Variants in ZNF266 observed in about 807,000 individuals in gnomAD.
The protein encoded by ZNF266 is zinc finger protein 266, also known as zinc finger protein 1.
A neutral mutation model predicts 16.4 loss-of-function variants in ZNF266; 16 were observed. That is an observed-to-expected ratio of 0.98 (90% CI 0.66 to 1.48). The LOEUF (loss-of-function observed/expected upper bound fraction) is 1.48, where lower values mean the gene tolerates loss of function less well. Ranked by LOEUF, ZNF266 falls within the 40% of genes most tolerant of loss-of-function variation. The pLI is 0.00. For missense variants in ZNF266, 738 were observed against 689.1 expected (o/e 1.07, Z -0.79); for synonymous variants, 262 against 237.9 (o/e 1.10, Z -0.93).
Position 9,413,476 on chromosome 19 carries a change from C to T in ZNF266, c.1650G>A (p.Met550Ile), listed in dbSNP as rs1198698520. The T allele has an allele frequency of 6.2e-7, 1 of 1,612,488 alleles. No individual in the cohort carries two copies. Among genetic ancestry groups the T allele is most frequent in the African/African-American group, 1.3e-5 (1 of 74,776 alleles). ...AGGGTTTTTCTCCAGTGTGGATCCG[C>T]ATGTGAAGGTTAACACACGTGGGAA... ...FKFPTCVNLH[M>I]RIHTGEKPYK... The change falls in exon 11 of 11, where the codon ATG (methionine) becomes ATA (isoleucine). Residue 550 changes from methionine (M) to isoleucine (I), a missense_variant. Transcript: ENST00000592904.
At chr19:9,424,700 A>T (rs2070468897) in intron 5 of ZNF266, among the ~76,000 whole-genome samples, 1 of 152,198 alleles carries the variant, frequency 6.6e-6, no homozygotes, top group African/African-American at 2.4e-5. Context: ...TATTTTATAT[A>T]CACATTATTA....
intron 9 of ZNF266, among the ~76,000 whole-genome samples, chr19:9,416,035 G>A (rs900860572): frequency 6.6e-6 from 1 of 151,584 alleles, no homozygotes; most frequent in Non-Finnish European, 1.5e-5. Flanking sequence ...TGTTGGCCAA[G>A]CTAGTCTCAA....
intron 9 of ZNF266, among the ~76,000 whole-genome samples, chr19:9,416,267 T>C (rs2068962176): frequency 6.6e-6 from 1 of 151,730 alleles, no homozygotes; most frequent in African/African-American, 2.4e-5. Context: ...ATGAAAATTA[T>C]AAACTGATGG....
At chr19:9,425,352 G>A (rs1255838407) in intron 5 of ZNF266, among the ~76,000 whole-genome samples, 1 of 152,130 alleles carries the variant, frequency 6.6e-6, no homozygotes, top group Non-Finnish European at 1.5e-5. Flanking sequence ...GTAGGAGGAT[G>A]CTTCTGACAT....
In ZNF266 at chr19:9,414,331, G is replaced by GA. The variant is rs762414314; in HGVS notation, c.794_795insT (p.Leu266ProfsTer17). On this transcript the variant is annotated frameshift_variant, in exon 11 of 11. Coordinates refer to ENST00000592904, the MANE Select transcript of ZNF266 (RefSeq NM_001370374.1). LOFTEE classifies it low-confidence loss of function (END_TRUNC). ...TGTGAGTTTGTATACGCACAGCAAG[G>GA]TCTGTGGAGTGAATAAAGCCTCTCC... is the stretch of plus-strand genomic sequence containing the variant. The GA allele has an allele frequency of 6.2e-7, 1 of 1,614,018 alleles. No individual in the cohort carries two copies. The highest frequency in any genetic ancestry group is 8.5e-7 in the Non-Finnish European group (1 of 1,179,968).
chr19:9,413,714 C>A lies in ZNF266; in HGVS notation c.1412G>T (p.Gly471Val). Residue 471 changes from glycine (G) to valine (V), a missense_variant, in exon 11 of 11, where the codon GGA becomes GTA. Gly to Val is a moderately radical substitution (Grantham distance 109). Coordinates refer to ENST00000592904, the MANE Select transcript of ZNF266 (RefSeq NM_001370374.1). The stretch of plus-strand genomic sequence containing the variant: ...TTTGACACATTCAAAAGGCTTCTCT[C>A]CAGTGTGAGTTCTTGTATGTTCACT... ...RLSEHTRTHT[G>V]EKPFECVKCG... 3 of 1,614,194 alleles carry A rather than the reference C, an allele frequency of 1.9e-6. No individual in the cohort carries two copies. Among genetic ancestry groups the A allele is most frequent in the Non-Finnish European group, 2.5e-6 (3 of 1,180,044 alleles).
chr19:9,419,910 A>G, intron 6 of ZNF266, 155 bp downstream of exon 6: 1 of 153,066 alleles, frequency 6.5e-6, no homozygotes, highest in Non-Finnish European at 1.5e-5. Context: ...CAAAAAAAAA[A>G]AAAAAAAAAG....
At position 9,414,613 on chromosome 19, in the gene ZNF266, G is replaced by A; in HGVS notation, c.513C>T (p.Asn171=). The A allele has an allele frequency of 6.2e-7, 1 of 1,611,668 alleles. No individual in the cohort carries two copies. Among genetic ancestry groups the A allele is most frequent in the Non-Finnish European group, 8.5e-7 (1 of 1,177,896 alleles). Residue 171 remains asparagine (N), a synonymous_variant, in exon 11 of 11, where the codon AAC becomes AAT. Coordinates refer to ENST00000592904, the MANE Select transcript of ZNF266 (RefSeq NM_001370374.1). The stretch of plus-strand genomic sequence containing the variant: ...CTCCATACAGATAACACTCAAATGT[G>A]TTCTCACTATTTTGAGTTCTCACAT... ...KTHVRTQNSE[N]TFECYLYGVD...
At position 9,435,542 on chromosome 19, in the gene ZNF266, G is replaced by C. The variant is rs973816069; in HGVS notation, c.-816C>G. ...ACGCCACCAGGAAGAAAACGGGTTT[G>C]GCGGCGCGGAGAAAGCGCCGGAAAA... On this transcript the variant is annotated 5_prime_UTR_variant, in exon 1 of 11. Coordinates refer to ENST00000592904, the MANE Select transcript of ZNF266 (RefSeq NM_001370374.1). The C allele has an allele frequency of 8.5e-5, 13 of 152,238 alleles. No homozygotes were observed. The highest frequency in any genetic ancestry group is 2.2e-4 in the African/African-American group (9 of 41,456). The allele number at this position is 152,238 out of a possible 1,614,324, so 9.4% of individuals were successfully genotyped here. A position where few individuals can be genotyped will look rare whatever the true frequency, so the allele number is the denominator to read the frequency against.
chr19:9,428,420 CCT>C (rs1212604490), intron 5 of ZNF266, among the ~76,000 whole-genome samples: 1 of 152,214 alleles, frequency 6.6e-6, no homozygotes, highest in East Asian at 1.9e-4. Flanking sequence ...CCACAGGTCC[CCT>C]GACTACCTGG....
At chr19:9,423,071 G>GT (rs2070180360) in intron 5 of ZNF266, among the ~76,000 whole-genome samples, 1 of 152,212 alleles carries the variant, frequency 6.6e-6, no homozygotes, top group African/African-American at 2.4e-5. Flanking sequence ...CTGCACCTCA[G>GT]TGCTTGCTCA....
chr19:9,428,062 A>G (rs2071027984), intron 5 of ZNF266, among the ~76,000 whole-genome samples: 1 of 152,146 alleles, frequency 6.6e-6, no homozygotes, highest in Non-Finnish European at 1.5e-5. Context: ...TGGAGTCTCT[A>G]GACCACTTAC....
At chr19:9,415,351 TTCTGAG>T (rs1320115597) in intron 10 of ZNF266, among the ~76,000 whole-genome samples, 7 of 152,242 alleles carry the variant, frequency 4.6e-5, no homozygotes, top group Non-Finnish European at 1.0e-4. Context: ...GGTCATCGTA[TTCTGAG>T]TCTCTCTCCA....
chr19:9,425,575 C>T (rs2070623093), intron 5 of ZNF266, among the ~76,000 whole-genome samples: 1 of 152,182 alleles, frequency 6.6e-6, no homozygotes, highest in Admixed American at 6.5e-5. Flanking sequence ...CTTCAGATTG[C>T]TCTTGGCCTG....
At chr19:9,425,667 A>G (rs1433160085) in intron 5 of ZNF266, among the ~76,000 whole-genome samples, 1 of 152,050 alleles carries the variant, frequency 6.6e-6, no homozygotes, top group Non-Finnish European at 1.5e-5. Flanking sequence ...GCTGCTGTGC[A>G]TTGCTGCCTG....
In ZNF266 at chr19:9,413,586, G is replaced by C; in HGVS notation, c.1540C>G (p.His514Asp). The C allele has an allele frequency of 6.2e-7, 1 of 1,614,152 alleles. No individual in the cohort carries two copies. The highest frequency in any genetic ancestry group is 1.1e-5 in the South Asian group (1 of 91,078). ...ECLECGKAFT[H>D]SSSLNNHMRT... Reference sequence around the variant, plus strand: ...ATGTGATTATTAAGACTGGAGGAATGCGTAAATGCTTTACCACATTCCAGG... The same window carrying C: ...ATGTGATTATTAAGACTGGAGGAATCCGTAAATGCTTTACCACATTCCAGG... The change falls in exon 11 of 11, where the codon CAT becomes GAT. Residue 514 changes from histidine (H) to aspartate (D), a missense_variant. Transcript: ENST00000592904.
In ZNF266 at chr19:9,435,144, G is replaced by C. The variant is rs1277552691; in HGVS notation, c.-508C>G. 1 of 111,492 alleles carries C rather than the reference G, an allele frequency of 9.0e-6. No homozygotes were observed. The highest frequency in any genetic ancestry group is 8.4e-5 in the Admixed American group (1 of 11,902). The allele number at this position is 111,492 out of a possible 1,614,324, so 6.9% of individuals were successfully genotyped here. ...GGACTCGCCAGGTACGGGAGATTGG[G>C]GGGATGAAGGACCAGTCAACCTGAT... On this transcript the variant is annotated 5_prime_UTR_variant, in exon 2 of 11. Transcript: ENST00000592904.
At chr19:9,422,186 G>A (rs993536892) in intron 5 of ZNF266, among the ~76,000 whole-genome samples, 22 of 152,104 alleles carry the variant, frequency 1.4e-4, no homozygotes, top group Non-Finnish European at 2.6e-4. Context: ...GGAACTCTGC[G>A]AGTCTCTAGG....
intron 9 of ZNF266, among the ~76,000 whole-genome samples, chr19:9,416,844 G>T (rs1053774363): frequency 6.7e-6 from 1 of 149,966 alleles, no homozygotes; most frequent in Non-Finnish European, 1.5e-5. Flanking sequence ...GCTAATAGTT[G>T]TATTTTTGTA....
Sources: gnomAD v4.1 joint callset for allele counts (sites outside exome capture counted in the v4.1 genomes callset) on GRCh38, gnomAD v4.1.1 for gene constraint, MANE v1.5 for transcripts, NCBI Gene and HGNC (gene_info 2026-07-23, HGNC 2026-07-21) for gene names.